SHISA9: variants seen among roughly 807,000 people sequenced by gnomAD.
SHISA9 encodes the protein protein shisa-9.
SHISA9 carries 13 observed loss-of-function variants against 38.0 expected under a neutral mutation model. The ratio of observed to expected loss-of-function variants is 0.34; its 90% confidence interval spans 0.22 to 0.54. SHISA9 has a LOEUF of 0.54. Among genes scored for constraint, SHISA9 ranks in the 20% least tolerant of loss-of-function variants. The probability of loss-of-function intolerance (pLI) is 0.91; values close to 1 mark genes in which losing one functional copy is unlikely to be tolerated. For synonymous variants in SHISA9, 275 were observed against 242.0 expected (o/e 1.14, Z -1.27); for missense variants, 538 against 575.8 (o/e 0.93, Z 0.67).
intron 2 of SHISA9, among the ~76,000 whole-genome samples, chr16:12,985,355 C>A (rs1216896938): frequency 1.3e-5 from 2 of 152,074 alleles, no homozygotes; most frequent in Admixed American, 1.3e-4. Context: ...TTCTCTGTTA[C>A]CACTTATTTC....
At chr16:13,151,260 C>T (rs2050496835) in intron 2 of SHISA9, among the ~76,000 whole-genome samples, 1 of 152,166 alleles carries the variant, frequency 6.6e-6, no homozygotes, top group Non-Finnish European at 1.5e-5. Context: ...GCGCCCGCCA[C>T]CACACCTGGC....
chr16:13,278,340 G>A, the SHISA9 span, among the ~76,000 whole-genome samples: 185 of 152,060 alleles, frequency 1.2e-3, no homozygotes, highest in African/African-American at 3.0e-3. Context: ...AAGGATTTTG[G>A]CATCTATATT....
At chr16:13,289,313 G>A in the SHISA9 span, among the ~76,000 whole-genome samples, 4 of 129,474 alleles carry the variant, frequency 3.1e-5, no homozygotes, top group East Asian at 2.6e-4. Context: ...GTGGGCAAGT[G>A]ACCTAAACTG....
the SHISA9 span, among the ~76,000 whole-genome samples, chr16:13,316,150 G>C: frequency 6.6e-6 from 1 of 152,112 alleles, no homozygotes; most frequent in African/African-American, 2.4e-5. Context: ...CTGAGTCCCT[G>C]GTTGCTACCC....
intron 2 of SHISA9, among the ~76,000 whole-genome samples, chr16:13,181,312 T>TATATATATATAC (rs1555468744): frequency 2.9e-5 from 1 of 34,102 alleles, no homozygotes; most frequent in Non-Finnish European, 5.4e-5. Context: ...TATATATATA[T>TATATATATATAC]ACACACACAC....
At chr16:13,386,618 A>T in the SHISA9 span, among the ~76,000 whole-genome samples, 9 of 152,342 alleles carry the variant, frequency 5.9e-5, no homozygotes, top group African/African-American at 2.2e-4. Context: ...TTTATTATAC[A>T]CGTATCTTTG....
chr16:12,943,436 G>A (rs574232166), intron 2 of SHISA9, among the ~76,000 whole-genome samples: 9 of 147,674 alleles, frequency 6.1e-5, no homozygotes, highest in African/African-American at 2.3e-4. Context: ...AAACAATGAC[G>A]AAACCTCTAC....
At chr16:13,240,990 A>G (rs1269905724), downstream of SHISA9, among the ~76,000 whole-genome samples, 1 of 152,198 alleles carries the variant, frequency 6.6e-6, no homozygotes, top group African/African-American at 2.4e-5. Context: ...TAAGAAGAGT[A>G]TGATATCATG....
the SHISA9 span, among the ~76,000 whole-genome samples, chr16:13,526,534 C>T: frequency 2.0e-5 from 3 of 152,052 alleles, no homozygotes. Flanking sequence ...CAGGTGTGCA[C>T]CACCACACCT....
intron 4 of SHISA9, among the ~76,000 whole-genome samples, chr16:13,217,643 A>G (rs575029018): frequency 1.4e-4 from 22 of 152,302 alleles, no homozygotes; most frequent in African/African-American, 5.1e-4. Flanking sequence ...GGTGCTAAAT[A>G]AGAGTAAAAG....
At chr16:13,395,474 A>G in the SHISA9 span, among the ~76,000 whole-genome samples, 2 of 152,244 alleles carry the variant, frequency 1.3e-5, no homozygotes, top group African/African-American at 2.4e-5. Flanking sequence ...AAAGTCCGAC[A>G]TTAAGGGACT....
At chr16:13,034,574 C>A (rs372175758) in intron 2 of SHISA9, among the ~76,000 whole-genome samples, 1 of 152,098 alleles carries the variant, frequency 6.6e-6, no homozygotes, top group South Asian at 2.1e-4. Flanking sequence ...AATGATAGAC[C>A]CAATTCTTCA....
chr16:13,487,317 G>T, the SHISA9 span, among the ~76,000 whole-genome samples: 2 of 152,216 alleles, frequency 1.3e-5, no homozygotes, highest in Non-Finnish European at 2.9e-5. Context: ...ATAAAGAAAA[G>T]AGCTTTAATT....
chr16:13,009,743 C>T (rs1265721077), intron 2 of SHISA9, among the ~76,000 whole-genome samples: 3 of 152,124 alleles, frequency 2.0e-5, no homozygotes, highest in African/African-American at 7.2e-5. Context: ...GCCAAGCAGC[C>T]AAGGGGAAGA....
chr16:13,547,707 G>A, the SHISA9 span, among the ~76,000 whole-genome samples: 1 of 152,044 alleles, frequency 6.6e-6, no homozygotes, highest in Non-Finnish European at 1.5e-5. Context: ...AACTCTCACT[G>A]AAAATTTAAG....
At chr16:13,228,372 C>T (rs1223046139) in intron 4 of SHISA9, among the ~76,000 whole-genome samples, 2 of 152,210 alleles carry the variant, frequency 1.3e-5, no homozygotes, top group African/African-American at 4.8e-5. Context: ...TATGGACAGA[C>T]TTGAATGCCT....
chr16:13,351,144 A>C, the SHISA9 span, among the ~76,000 whole-genome samples: 1 of 152,180 alleles, frequency 6.6e-6, no homozygotes, highest in East Asian at 1.9e-4. Flanking sequence ...CTTTCTCAGA[A>C]TCACACAGCA....
At chr16:13,276,801 T>C in the SHISA9 span, among the ~76,000 whole-genome samples, 1 of 152,134 alleles carries the variant, frequency 6.6e-6, no homozygotes, top group East Asian at 1.9e-4. Flanking sequence ...GAGTTAGTTG[T>C]AGATTCCGGA....
At chr16:13,437,530 C>T in the SHISA9 span, among the ~76,000 whole-genome samples, 5 of 152,126 alleles carry the variant, frequency 3.3e-5, no homozygotes, top group South Asian at 2.1e-4. Context: ...CAGAGAAGCC[C>T]GGATGAGACC....
Sources: gnomAD v4.1 joint callset for allele counts (sites outside exome capture counted in the v4.1 genomes callset) on GRCh38, gnomAD v4.1.1 for gene constraint, MANE v1.5 for transcripts, NCBI Gene and HGNC (gene_info 2026-07-23, HGNC 2026-07-21) for gene names.